CAAP1: variants seen among roughly 807,000 people sequenced by gnomAD.
The protein encoded by CAAP1 is caspase activity and apoptosis inhibitor 1.
In CAAP1, 20 loss-of-function variants were observed where a neutral mutation model predicts 34.0. That is an observed-to-expected ratio of 0.59 (90% confidence interval 0.41 to 0.86). The LOEUF is 0.86. CAAP1 is among the 40% of genes least tolerant of loss of function. The pLI is 0.00. For synonymous variants in CAAP1, 213 were observed against 166.7 expected (o/e 1.28, Z -2.14); for missense variants, 538 against 450.5 (o/e 1.19, Z -1.76).
At chr9:26,891,410 T>C (rs1251760606) in intron 1 of CAAP1, among the ~76,000 whole-genome samples, 1 of 152,234 alleles carries the variant, frequency 6.6e-6, no homozygotes, top group Non-Finnish European at 1.5e-5. Context: ...ATATACTGTT[T>C]GGACTATAAA....
chr9:26,858,686 G>C (rs1822933522), intron 5 of CAAP1, among the ~76,000 whole-genome samples: 1 of 152,082 alleles, frequency 6.6e-6, no homozygotes. Flanking sequence ...AGCCGGGCGT[G>C]GTGGGGAGCG....
chr9:26,844,632 C>T (rs1822555425), intron 5 of CAAP1, among the ~76,000 whole-genome samples: 1 of 152,180 alleles, frequency 6.6e-6, no homozygotes, highest in Non-Finnish European at 1.5e-5. Context: ...TGATCAGACT[C>T]AGGTTCAATT....
At chr9:26,847,027 A>G (rs1822627485) in intron 5 of CAAP1, among the ~76,000 whole-genome samples, 1 of 151,386 alleles carries the variant, frequency 6.6e-6, no homozygotes, top group Non-Finnish European at 1.5e-5. Context: ...AGAAGTAATC[A>G]CTGTTAATAA....
chr9:26,856,123 T>C (rs1405389944), intron 5 of CAAP1, among the ~76,000 whole-genome samples: 1 of 133,644 alleles, frequency 7.5e-6, no homozygotes, highest in Non-Finnish European at 1.5e-5. Context: ...GTAATTTTTT[T>C]TAAAAGGGGG....
intron 5 of CAAP1, among the ~76,000 whole-genome samples, chr9:26,859,164 T>C (rs912122556): frequency 6.6e-6 from 1 of 152,146 alleles, no homozygotes; most frequent in African/African-American, 2.4e-5. Context: ...TCATACCTCC[T>C]TGAGAACCTG....
At chr9:26,860,746 G>A (rs1822984861) in intron 5 of CAAP1, among the ~76,000 whole-genome samples, 1 of 152,064 alleles carries the variant, frequency 6.6e-6, no homozygotes, top group African/African-American at 2.4e-5. Flanking sequence ...AGCCAAGATC[G>A]CGCCACTGCA....
chr9:26,866,404 G>A (rs552878925), intron 4 of CAAP1, among the ~76,000 whole-genome samples: 11 of 152,298 alleles, frequency 7.2e-5, no homozygotes, highest in Non-Finnish European at 1.6e-4. Context: ...ATATCTGTGG[G>A]AGGAGACACA....
At chr9:26,867,262 T>A (rs1260662551) in intron 4 of CAAP1, among the ~76,000 whole-genome samples, 2 of 152,212 alleles carry the variant, frequency 1.3e-5, no homozygotes, top group Admixed American at 6.5e-5. Context: ...CTTAAGGCCC[T>A]TTCTTCTATC....
intron 4 of CAAP1, among the ~76,000 whole-genome samples, chr9:26,871,779 T>C (rs1008493670): frequency 1.3e-5 from 2 of 151,478 alleles, no homozygotes; most frequent in African/African-American, 4.9e-5. Flanking sequence ...AAAAACTAGC[T>C]GGGCAGGGCG....
chr9:26,867,685 C>T (rs539535026), intron 4 of CAAP1, among the ~76,000 whole-genome samples: 19 of 152,268 alleles, frequency 1.2e-4, no homozygotes, highest in African/African-American at 4.6e-4. Context: ...ATCCAAAATA[C>T]TGTTTATACT....
chr9:26,865,904 TG>T (rs1474906016), intron 4 of CAAP1, among the ~76,000 whole-genome samples: 4 of 152,148 alleles, frequency 2.6e-5, no homozygotes, highest in African/African-American at 9.7e-5. Context: ...TGGAGTGTAG[TG>T]GCACGATCTC....
In CAAP1 at chr9:26,892,723, C is replaced by G. The variant is rs376562977; in HGVS notation, c.-8G>C. The G allele has an allele frequency of 2.7e-5, 43 of 1,574,400 alleles. No homozygotes were observed. The African/African-American group carries it at 5.1e-4, about 19-fold the overall frequency. On this transcript the variant is annotated 5_prime_UTR_variant, in exon 1 of 6. Transcript: ENST00000333916. ...GGACTTTTTCCCCGTCATGATCCCT[C>G]TGCTGCAACCATCGGAGGAAAGTCC...
At chr9:26,857,931 G>C (rs1822910790) in intron 5 of CAAP1, among the ~76,000 whole-genome samples, 1 of 152,074 alleles carries the variant, frequency 6.6e-6, no homozygotes, top group Admixed American at 6.5e-5. Flanking sequence ...TATTATTCAA[G>C]CAATACTTCA....
chr9:26,864,931 A>T (rs1378843086), intron 4 of CAAP1, among the ~76,000 whole-genome samples: 1 of 152,224 alleles, frequency 6.6e-6, no homozygotes, highest in African/African-American at 2.4e-5. Flanking sequence ...TGTTATGCAG[A>T]ACATTCTACA....
intron 5 of CAAP1, among the ~76,000 whole-genome samples, chr9:26,844,250 G>C (rs1012661343): frequency 6.6e-6 from 1 of 152,064 alleles, no homozygotes; most frequent in African/African-American, 2.4e-5. Flanking sequence ...CCAGCTACTC[G>C]GGAGGCTGAG....
chr9:26,847,862 A>G (rs1822655481), intron 5 of CAAP1, among the ~76,000 whole-genome samples: 1 of 151,782 alleles, frequency 6.6e-6, no homozygotes, highest in Non-Finnish European at 1.5e-5. Flanking sequence ...TTAATTTACA[A>G]CTTATGTTAT....
At chr9:26,891,695 G>T (rs1823906739) in intron 1 of CAAP1, among the ~76,000 whole-genome samples, 2 of 152,122 alleles carry the variant, frequency 1.3e-5, no homozygotes, top group South Asian at 4.2e-4. Context: ...TCAACAGCGG[G>T]AATAACACAA....
At chr9:26,850,079 C>T (rs976784498) in intron 5 of CAAP1, among the ~76,000 whole-genome samples, 4 of 152,144 alleles carry the variant, frequency 2.6e-5, no homozygotes, top group South Asian at 4.1e-4. Context: ...CCTCGTGATC[C>T]GCCCCCTTGG....
At chr9:26,880,422 C>T in intron 4 of CAAP1, 1 of 251,382 alleles carries the variant, frequency 4.0e-6, no homozygotes, top group Admixed American at 4.3e-5. Context: ...AGTACCAGGC[C>T]TGTAACAATG....
Sources: allele counts gnomAD v4.1 joint callset (sites outside exome capture counted in the v4.1 genomes callset), GRCh38; gene constraint gnomAD v4.1.1; transcripts MANE v1.5; gene names NCBI Gene and HGNC (gene_info 2026-07-23, HGNC 2026-07-21).